UGP2: variants seen among roughly 807,000 people sequenced by gnomAD.
UGP2 encodes UDP-glucose pyrophosphorylase 2.
UGP2 carries 40 observed loss-of-function variants against 49.0 expected under a neutral mutation model. The ratio of observed to expected loss-of-function variants is 0.82; its 90% confidence interval spans 0.63 to 1.06. UGP2 has a LOEUF of 1.06. Among genes scored for constraint, UGP2 ranks in the 50% least tolerant of loss-of-function variants. The pLI, the probability that UGP2 is intolerant of heterozygous loss-of-function variation, is 0.00. For synonymous variants in UGP2, 225 were observed against 213.0 expected (o/e 1.06, Z -0.49); for missense variants, 460 against 603.5 (o/e 0.76, Z 2.49).
At chr2:63,862,039 C>T (rs1345389513) in intron 3 of UGP2, among the ~76,000 whole-genome samples, 3 of 151,030 alleles carry the variant, frequency 2.0e-5, no homozygotes, top group African/African-American at 7.3e-5. Flanking sequence ...AAAGTTTGCA[C>T]ATTAAAAGAA....
In UGP2 at chr2:63,890,161, A is replaced by G; in HGVS notation, c.1395A>G (p.Thr465=). 1 of 1,611,300 alleles carries G rather than the reference A, an allele frequency of 6.2e-7. No homozygotes were observed. Among genetic ancestry groups the G allele is most frequent in the South Asian group, 1.1e-5 (1 of 90,670 alleles). Residue 465 remains threonine, a synonymous_variant, in exon 9 of 10, where the codon ACA becomes ACG. Coordinates refer to ENST00000337130, the MANE Select transcript of UGP2 (RefSeq NM_006759.4). The part of the protein sequence containing the change: ...LDHLTVSGDV[T]FGKNVSLKGT... ...ACCTCACAGTTTCAGGAGATGTGAC[A>G]TTTGGAAAAAATGTTTCATTAAAGG...
At chr2:63,875,445 G>C (rs1670847098) in intron 3 of UGP2, among the ~76,000 whole-genome samples, 1 of 152,220 alleles carries the variant, frequency 6.6e-6, no homozygotes, top group Admixed American at 6.5e-5. Flanking sequence ...TGGGAACAGT[G>C]TGTCTATGAC....
At chr2:63,858,067 G>A in intron 3 of UGP2, 131 bp downstream of exon 3, 2 of 780,426 alleles carry the variant, frequency 2.6e-6, no homozygotes, top group Non-Finnish European at 4.1e-6. Context: ...TGAATTCTCT[G>A]ACCCCTCATC....
Position 63,891,528 on chromosome 2 carries a change from G to T in UGP2, c.*301G>T. On this transcript the variant is annotated 3_prime_UTR_variant, in exon 10 of 10. Transcript: ENST00000337130. ...GCCTCAATGATGATCACTTTGAATT[G>T]CTTGTGATTTCAAAAATAAAGCAGT... is the stretch of plus-strand genomic sequence containing the variant. 1 of 207,218 alleles carries T rather than the reference G, an allele frequency of 4.8e-6. No individual in the cohort carries two copies. The highest frequency in any genetic ancestry group is 9.6e-6 in the Non-Finnish European group (1 of 104,136). 12.8% of individuals were successfully genotyped at this position (207,218 alleles called of 1,614,324 possible). A position where few individuals can be genotyped will look rare whatever the true frequency, so the allele number is the denominator to read the frequency against.
chr2:63,868,449 T>G (rs1314384222), intron 3 of UGP2, among the ~76,000 whole-genome samples: 1 of 152,210 alleles, frequency 6.6e-6, no homozygotes, highest in African/African-American at 2.4e-5. Flanking sequence ...GGAAATATTG[T>G]AGTTCACGGT....
At chr2:63,890,326 A>C in intron 9 of UGP2, 141 bp downstream of exon 9, 1 of 623,410 alleles carries the variant, frequency 1.6e-6, no homozygotes, top group Non-Finnish European at 2.7e-6. Flanking sequence ...TTTTACTGAA[A>C]TGAGAATCTT....
At chr2:63,874,532 C>CA (rs1670778508) in intron 3 of UGP2, among the ~76,000 whole-genome samples, 1 of 152,154 alleles carries the variant, frequency 6.6e-6, no homozygotes, top group Non-Finnish European at 1.5e-5. Flanking sequence ...AGGAGGAAAA[C>CA]AGAGTATGGT....
chr2:63,857,294 C>T (rs1203089818), intron 2 of UGP2, among the ~76,000 whole-genome samples: 1 of 147,680 alleles, frequency 6.8e-6, no homozygotes, highest in African/African-American at 2.5e-5. Context: ...GAGCAAGACT[C>T]TGTCTCAAAA....
chr2:63,880,363 G>A (rs972705726), intron 3 of UGP2, among the ~76,000 whole-genome samples: 8 of 151,932 alleles, frequency 5.3e-5, no homozygotes, highest in Non-Finnish European at 8.8e-5. Flanking sequence ...TTGTAGGGTC[G>A]GGGTTTCACC....
chr2:63,860,475 C>T (rs921593341), intron 3 of UGP2, among the ~76,000 whole-genome samples: 6 of 152,186 alleles, frequency 3.9e-5, no homozygotes, highest in African/African-American at 9.7e-5. Flanking sequence ...TTTACTGACC[C>T]CATTTTAGTG....
At chr2:63,858,524 A>AT (rs973998002) in intron 3 of UGP2, among the ~76,000 whole-genome samples, 2 of 151,854 alleles carry the variant, frequency 1.3e-5, no homozygotes. Context: ...CATTCTCACT[A>AT]TAAAAAAAAA....
chr2:63,851,623 T>C (rs1197777845), intron 1 of UGP2, among the ~76,000 whole-genome samples: 1 of 152,212 alleles, frequency 6.6e-6, no homozygotes, highest in African/African-American at 2.4e-5. Flanking sequence ...TTTTCTACTT[T>C]TTTTCTCATT....
intron 1 of UGP2, among the ~76,000 whole-genome samples, chr2:63,851,137 T>C (rs958517026): frequency 5.9e-5 from 9 of 152,172 alleles, no homozygotes; most frequent in African/African-American, 2.2e-4. Flanking sequence ...TAATCTCAGG[T>C]AATATTTAAA....
chr2:63,879,657 G>A (rs1671157999), intron 3 of UGP2, among the ~76,000 whole-genome samples: 1 of 152,208 alleles, frequency 6.6e-6, no homozygotes, highest in African/African-American at 2.4e-5. Flanking sequence ...TACCCGTAGG[G>A]GTAGAAGAGG....
intron 1 of UGP2, chr2:63,855,523 T>A: frequency 2.3e-5 from 2 of 86,878 alleles, no homozygotes; most frequent in Non-Finnish European, 4.3e-5. Flanking sequence ...TTTTTCTGTT[T>A]TTTTTTTTTT....
chr2:63,856,541 A>G (rs958369771), intron 2 of UGP2, 108 bp downstream of exon 2: 6 of 1,310,708 alleles, frequency 4.6e-6, no homozygotes, highest in Non-Finnish European at 6.2e-6. Flanking sequence ...TCAGCACAAG[A>G]TGTACGATAA....
At chr2:63,849,055 TGTTTC>T (rs1481565634) in intron 1 of UGP2, among the ~76,000 whole-genome samples, 1 of 152,246 alleles carries the variant, frequency 6.6e-6, no homozygotes, top group East Asian at 1.9e-4. Context: ...AACAATAAAA[TGTTTC>T]ATTTCCGTAA....
intron 5 of UGP2, among the ~76,000 whole-genome samples, chr2:63,885,033 T>C (rs1384991519): frequency 9.1e-6 from 1 of 109,328 alleles, no homozygotes; most frequent in African/African-American, 3.3e-5. Context: ...ACTTTGCAGA[T>C]GTTTTGCCTT....
chr2:63,856,623 A>G, intron 2 of UGP2, 190 bp downstream of exon 2: 1 of 636,106 alleles, frequency 1.6e-6, no homozygotes, highest in Non-Finnish European at 2.7e-6. Context: ...TAAATCCATT[A>G]TCTTTTTTTC....
Sources: gnomAD v4.1 joint callset for allele counts (sites outside exome capture counted in the v4.1 genomes callset) on GRCh38, gnomAD v4.1.1 for gene constraint, MANE v1.5 for transcripts, NCBI Gene and HGNC (gene_info 2026-07-23, HGNC 2026-07-21) for gene names.